Variants in NCALD observed in about 807,000 individuals in gnomAD.
NCALD encodes neurocalcin delta, also known as neurocalcin-delta.
Under a neutral mutation model 18.6 loss-of-function variants are expected in NCALD, and 10 were observed. That is an observed-to-expected ratio of 0.54 (90% CI 0.33 to 0.91). The LOEUF is 0.91. NCALD is among the 40% of genes least tolerant of loss of function. The pLI is 0.03. For synonymous variants in NCALD, 88 were observed against 87.4 expected, an observed-to-expected ratio of 1.01 and a Z score of -0.04; for missense variants, 184 against 247.6, an observed-to-expected ratio of 0.74 and a Z score of 1.72.
intron 1 of NCALD, among the ~76,000 whole-genome samples, chr8:101,728,539 T>C (rs1816671527): frequency 6.6e-6 from 1 of 152,170 alleles, no homozygotes; most frequent in African/African-American, 2.4e-5. Context: ...AATGTTTGCC[T>C]AGGGCGGGGC....
chr8:101,896,313 T>C (rs922038296), intron 3 of NCALD, among the ~76,000 whole-genome samples: 6 of 152,126 alleles, frequency 3.9e-5, no homozygotes, highest in African/African-American at 1.4e-4. Flanking sequence ...GCTAGCCATA[T>C]GTAGAAAGCT....
intron 4 of NCALD, among the ~76,000 whole-genome samples, chr8:101,837,996 C>T (rs1253305618): frequency 3.9e-5 from 6 of 152,190 alleles, no homozygotes; most frequent in South Asian, 4.1e-4. Flanking sequence ...TCCCTCAGAT[C>T]TTACTTAGCA....
chr8:101,949,310 C>T (rs2131800672), intron 2 of NCALD, among the ~76,000 whole-genome samples: 1 of 152,174 alleles, frequency 6.6e-6, no homozygotes, highest in African/African-American at 2.4e-5. Flanking sequence ...AGGATTTGAA[C>T]CCTAGTTATC....
At chr8:102,111,749 CTCCAAGCACATGCAACAGTCAAATAAATG>C (rs1425252385) in intron 1 of NCALD, among the ~76,000 whole-genome samples, 1 of 152,128 alleles carries the variant, frequency 6.6e-6, no homozygotes, top group African/African-American at 2.4e-5. Flanking sequence ...AATATCTCCC[CTCCAAGCACATGCAACAGTCAAATAAATG>C]TTCAAAATCT....
At chr8:101,974,851 C>T (rs1473434802) in intron 2 of NCALD, among the ~76,000 whole-genome samples, 1 of 152,122 alleles carries the variant, frequency 6.6e-6, no homozygotes, top group Non-Finnish European at 1.5e-5. Context: ...GGAAAAATAG[C>T]ACCTCTGGGC....
intron 1 of NCALD, among the ~76,000 whole-genome samples, chr8:101,783,353 C>A (rs1465742895): frequency 6.6e-6 from 1 of 152,160 alleles, no homozygotes; most frequent in East Asian, 1.9e-4. Flanking sequence ...ATTTCAAATG[C>A]TAGATTTGAC....
chr8:101,790,397 A>C (rs1412739666), intron 1 of NCALD, among the ~76,000 whole-genome samples: 3 of 152,218 alleles, frequency 2.0e-5, no homozygotes, highest in African/African-American at 7.2e-5. Context: ...CGTGGTTCCT[A>C]TTGTTGCTAA....
intron 2 of NCALD, 83 bp downstream of exon 2, chr8:101,719,169 T>A: frequency 6.7e-7 from 1 of 1,503,298 alleles, no homozygotes; most frequent in Non-Finnish European, 8.9e-7. Context: ...GTTTGCAACC[T>A]CTGCACCGTG....
At chr8:101,768,725 A>AC (rs1040753185) in intron 1 of NCALD, among the ~76,000 whole-genome samples, 1 of 149,198 alleles carries the variant, frequency 6.7e-6, no homozygotes, top group Admixed American at 6.7e-5. Context: ...CAAAAAAACA[A>AC]AAAAAAAAAA....
chr8:101,874,701 A>AT (rs892314458), intron 4 of NCALD, among the ~76,000 whole-genome samples: 4 of 151,852 alleles, frequency 2.6e-5, no homozygotes, highest in South Asian at 4.2e-4. Context: ...ATTTTAAAAA[A>AT]TTTTTTTGTA....
chr8:101,762,544 T>C (rs904968311), intron 1 of NCALD, among the ~76,000 whole-genome samples: 5 of 151,856 alleles, frequency 3.3e-5, no homozygotes, highest in African/African-American at 7.2e-5. Flanking sequence ...AACATGATTA[T>C]ATAAATCAGC....
At chr8:101,827,218 T>G (rs1183504011) in intron 4 of NCALD, among the ~76,000 whole-genome samples, 1 of 152,200 alleles carries the variant, frequency 6.6e-6, no homozygotes, top group African/African-American at 2.4e-5. Flanking sequence ...CACATTGTCT[T>G]TTCCTCTTCT....
At chr8:102,100,763 AC>A (rs1329690385) in intron 1 of NCALD, among the ~76,000 whole-genome samples, 3 of 152,226 alleles carry the variant, frequency 2.0e-5, no homozygotes, top group African/African-American at 7.2e-5. Flanking sequence ...ACATGGGTGA[AC>A]CTTGAGGACA....
intron 2 of NCALD, among the ~76,000 whole-genome samples, chr8:101,970,052 G>A (rs1260361766): frequency 6.6e-6 from 1 of 152,048 alleles, no homozygotes; most frequent in Admixed American, 6.6e-5. Flanking sequence ...AAGAGAAGGA[G>A]AAGAAAGATG....
intron 1 of NCALD, among the ~76,000 whole-genome samples, chr8:102,041,906 G>T (rs1027621017): frequency 1.3e-5 from 2 of 151,948 alleles, no homozygotes; most frequent in African/African-American, 4.8e-5. Context: ...CCAAAAAAGC[G>T]AAATCACCTA....
At chr8:101,808,119 GT>G (rs1813172102) in intron 4 of NCALD, among the ~76,000 whole-genome samples, 1 of 152,166 alleles carries the variant, frequency 6.6e-6, no homozygotes, top group Non-Finnish European at 1.5e-5. Flanking sequence ...TCTTACAGCT[GT>G]TAAGAAATAA....
intron 2 of NCALD, among the ~76,000 whole-genome samples, chr8:101,954,416 G>T (rs1005631724): frequency 9.9e-5 from 15 of 152,050 alleles, no homozygotes; most frequent in African/African-American, 3.6e-4. Context: ...CTGGCTTCCT[G>T]CTTTCTGCTT....
In NCALD at chr8:101,917,840, CCCTA is replaced by C. The variant is rs369259421; in HGVS notation, c.-156-1986_-156-1983del. On this transcript the variant is annotated intron_variant, in intron 2 of 6. Coordinates refer to the NCALD transcript ENST00000311028. The stretch of plus-strand genomic sequence containing the variant: ...ACTTGAAGCAATAATTTTTTAAAAA[CCCTA>C]CCTATCAAAAAAACCTCAGGACTAG... Among the ~76,000 whole-genome samples the C allele has an allele frequency of 5.3e-5, 8 of 151,850 alleles. No homozygotes were observed. The East Asian group carries it at 1.2e-3, about 22-fold the overall frequency.
intron 2 of NCALD, among the ~76,000 whole-genome samples, chr8:101,716,907 G>A (rs1037447872): frequency 6.6e-6 from 1 of 152,178 alleles, no homozygotes; most frequent in Non-Finnish European, 1.5e-5. Flanking sequence ...GATGAAGAGG[G>A]CCATCGGCCA....
Sources: allele counts gnomAD v4.1 joint callset (sites outside exome capture counted in the v4.1 genomes callset), GRCh38; gene constraint gnomAD v4.1.1; transcripts MANE v1.5; gene names NCBI Gene and HGNC (gene_info 2026-07-23, HGNC 2026-07-21).